Variants in ZMPSTE24 observed in about 807,000 individuals in gnomAD.
ZMPSTE24 encodes the protein CAAX prenyl protease 1 homolog.
Under a neutral mutation model 56.7 loss-of-function variants are expected in ZMPSTE24, and 48 were observed. The ratio of observed to expected loss-of-function variants is 0.85; its 90% confidence interval spans 0.67 to 1.08. The LOEUF is 1.08. ZMPSTE24 is among the 50% of genes least tolerant of loss of function. The pLI is 0.00. For missense variants in ZMPSTE24, 503 were observed against 548.7 expected (o/e 0.92, Z 0.83); for synonymous variants, 172 against 195.2 (o/e 0.88, Z 0.99).
chr1:40,261,795 C>T (rs1430139052), intron 2 of ZMPSTE24, among the ~76,000 whole-genome samples: 1 of 152,152 alleles, frequency 6.6e-6, no homozygotes, highest in African/African-American at 2.4e-5. Context: ...CTGCAATCTC[C>T]ACCTCCCGGG....
In ZMPSTE24 at chr1:40,270,428, G is replaced by A. The variant is rs112091023; in HGVS notation, c.627+301G>A. On this transcript the variant is annotated intron_variant, in intron 5 of 9. Transcript: ENST00000372759. ...CGAGTTGCCACCAGAATGACTAAGT[G>A]TGATAATTTAATGACTCCTGACTGA... Among the ~76,000 whole-genome samples, 506 of 152,282 alleles carry A rather than the reference G, an allele frequency of 3.3e-3. 8 individuals carry two copies. The highest frequency in any genetic ancestry group is 0.012 in the African/African-American group (485 of 41,538).
At chr1:40,270,200 G>A in intron 5 of ZMPSTE24, 73 bp downstream of exon 5, 1 of 1,527,260 alleles carries the variant, frequency 6.5e-7, no homozygotes, top group Non-Finnish European at 9.1e-7. Flanking sequence ...TCATTGGCAT[G>A]TAAACAGTTC....
intron 1 of ZMPSTE24, 128 bp from the exon 2 acceptor site, chr1:40,260,711 A>G (rs1643488267): frequency 1.1e-6 from 1 of 892,748 alleles, no homozygotes; most frequent in Non-Finnish European, 1.7e-6. Context: ...CAAGTGCAAT[A>G]TTTGTGTAGG....
chr1:40,260,787 C>G (rs1453728287), intron 1 of ZMPSTE24, 52 bp from the exon 2 acceptor site: 10 of 1,570,846 alleles, frequency 6.4e-6, no homozygotes, highest in Admixed American at 1.7e-5. Context: ...TCATAAATGA[C>G]TATTGTAATA....
intron 2 of ZMPSTE24, chr1:40,262,844 T>C: frequency 1.7e-5 from 19 of 1,150,392 alleles, no homozygotes; most frequent in Non-Finnish European, 2.0e-5. Context: ...TTCCAGAGAA[T>C]TGTTGAACAA....
At chr1:40,266,762 T>TG (rs1643552868) in intron 2 of ZMPSTE24, among the ~76,000 whole-genome samples, 1 of 61,314 alleles carries the variant, frequency 1.6e-5, no homozygotes, top group African/African-American at 8.2e-5. Flanking sequence ...TTCGAACAAG[T>TG]TTTTTTTTTT....
chr1:40,262,677 C>A, intron 2 of ZMPSTE24: 1 of 256,432 alleles, frequency 3.9e-6, no homozygotes, highest in Non-Finnish European at 6.7e-6. Flanking sequence ...ATGTATCATT[C>A]TCCCCAAAAG....
chr1:40,288,454 A>G (rs149537984), intron 8 of ZMPSTE24, among the ~76,000 whole-genome samples: 218 of 152,310 alleles, frequency 1.4e-3, no homozygotes, highest in Middle Eastern at 6.8e-3. Context: ...GGTCCCTGAG[A>G]TGTGGTACCT....
intron 5 of ZMPSTE24, among the ~76,000 whole-genome samples, 186 bp downstream of exon 5, chr1:40,270,313 T>C (rs979051721): frequency 3.3e-5 from 5 of 152,158 alleles, no homozygotes; most frequent in Non-Finnish European, 7.4e-5. Context: ...TAAATTTCCT[T>C]CTCCTTATGC....
chr1:40,275,146 G>T (rs1178261729), intron 6 of ZMPSTE24, among the ~76,000 whole-genome samples: 2 of 151,694 alleles, frequency 1.3e-5, no homozygotes, highest in East Asian at 3.9e-4. Context: ...TGGACCAGGC[G>T]CAGTGGCTTA....
At chr1:40,271,042 G>T (rs1281459625) in intron 5 of ZMPSTE24, among the ~76,000 whole-genome samples, 1 of 152,184 alleles carries the variant, frequency 6.6e-6, no homozygotes, top group Non-Finnish European at 1.5e-5. Flanking sequence ...CAGCTCTTCA[G>T]CTCCACTGAT....
chr1:40,290,843 C>T lies in ZMPSTE24; in HGVS notation c.1060-11C>T, dbSNP rs1373680921. On this transcript the variant is annotated splice_polypyrimidine_tract_variant and intron_variant, in intron 8 of 9. Transcript: ENST00000372759. ...GGTAATAACTTAGAAATTTCATGTC[C>T]TTCTTTCTAGATGAATTCTTTCCTG... The T allele has an allele frequency of 1.9e-6, 3 of 1,613,338 alleles. No homozygotes were observed. Among genetic ancestry groups the T allele is most frequent in the South Asian group, 2.2e-5 (2 of 91,034 alleles).
chr1:40,272,833 C>T (rs2124583747), intron 6 of ZMPSTE24, among the ~76,000 whole-genome samples: 1 of 152,328 alleles, frequency 6.6e-6, no homozygotes, highest in East Asian at 1.9e-4. Context: ...AGTGACTTCA[C>T]CCTTCTGGGT....
intron 2 of ZMPSTE24, among the ~76,000 whole-genome samples, chr1:40,263,951 G>A (rs1344795317): frequency 6.6e-6 from 1 of 152,106 alleles, no homozygotes; most frequent in Admixed American, 6.6e-5. Context: ...GGTCAGGGTC[G>A]AAAAGTTTAA....
chr1:40,292,766 A>T lies in ZMPSTE24; in HGVS notation c.*97A>T. 9.2e-7 allele frequency: 1 copy of T among 1,088,144 alleles called. No homozygotes were observed. The highest frequency in any genetic ancestry group is 1.4e-6 in the Non-Finnish European group (1 of 730,492). 67.4% of individuals were successfully genotyped at this position (1,088,144 alleles called of 1,614,324 possible). A position where few individuals can be genotyped will look rare whatever the true frequency, so the allele number is the denominator to read the frequency against. ...TTTTTAAACTTTTTTTTAGAAGAAA[A>T]ATTAAGTACAGAAAAGCCCAGATTT... On this transcript the variant is annotated 3_prime_UTR_variant, in exon 10 of 10. Transcript: ENST00000372759.
intron 1 of ZMPSTE24, among the ~76,000 whole-genome samples, chr1:40,260,119 G>T (rs965181283): frequency 7.4e-6 from 1 of 136,032 alleles, no homozygotes. Flanking sequence ...GTAGTGCTGT[G>T]GCACAATATG....
At position 40,273,540 on chromosome 1, in the gene ZMPSTE24, ATATATATATATAT is replaced by A. The variant is rs1557776815; in HGVS notation, c.769+1506_769+1518del. Among the ~76,000 whole-genome samples, 16 of 78,426 alleles carry A rather than the reference ATATATATATATAT, an allele frequency of 2.0e-4. 1 individual carries two copies. Among genetic ancestry groups the A allele is most frequent in the African/African-American group, 1.0e-3 (16 of 15,816 alleles). 51.5% of individuals were successfully genotyped at this position (78,426 alleles called of 152,430 possible). A position where few individuals can be genotyped will look rare whatever the true frequency, so the allele number is the denominator to read the frequency against. On this transcript the variant is annotated intron_variant, in intron 6 of 9. Transcript: ENST00000372759. ...CTAAAAAAAAAAAAAAAAAAAAAAT[ATATATATATATAT>A]ATATATATATATATATGTCAGACAT...
At chr1:40,290,716 C>G in intron 8 of ZMPSTE24, 138 bp from the exon 9 acceptor site, 2 of 917,410 alleles carry the variant, frequency 2.2e-6, no homozygotes, top group South Asian at 1.5e-5. Flanking sequence ...CCCGCCTTGG[C>G]CTCCCAAAGT....
chr1:40,268,336 G>C, intron 3 of ZMPSTE24, 83 bp from the exon 4 acceptor site: 1 of 894,834 alleles, frequency 1.1e-6, no homozygotes, highest in South Asian at 1.3e-5. Context: ...TTGGGATGTA[G>C]TAAGTAAGTG....
Sources: allele counts gnomAD v4.1 joint callset (sites outside exome capture counted in the v4.1 genomes callset), GRCh38; gene constraint gnomAD v4.1.1; transcripts MANE v1.5; gene names NCBI Gene and HGNC (gene_info 2026-07-23, HGNC 2026-07-21).